The following GNB1 variants were observed in gnomAD, a reference collection of about 807,000 sequenced individuals.
GNB1 encodes guanine nucleotide-binding protein G(I)/G(S)/G(T) subunit beta-1.
A neutral mutation model predicts 42.9 loss-of-function variants in GNB1; 2 were observed. The observed-to-expected ratio is 0.05, with a 90% CI of 0.02 to 0.15. The LOEUF (loss-of-function observed/expected upper bound fraction) is 0.15. GNB1 is among the 10% of genes least tolerant of loss of function. GNB1 has a pLI of 1.00. For missense variants in GNB1, 193 were observed against 462.2 expected (o/e 0.42, Z 5.34); for synonymous variants, 183 against 174.7 (o/e 1.05, Z -0.38).
At chr1:1,821,279 T>G (rs1360305317) in intron 3 of GNB1, among the ~76,000 whole-genome samples, 1 of 152,230 alleles carries the variant, frequency 6.6e-6, no homozygotes, top group African/African-American at 2.4e-5. Context: ...TCTACGCCTG[T>G]GCATCCTGTG....
intron 2 of GNB1, among the ~76,000 whole-genome samples, chr1:1,833,724 G>C (rs1647107205): frequency 6.6e-6 from 1 of 152,226 alleles, no homozygotes; most frequent in African/African-American, 2.4e-5. Context: ...ATGGCTGTTA[G>C]ACATGACCTT....
At chr1:1,872,229 C>G (rs1649287651) in intron 1 of GNB1, among the ~76,000 whole-genome samples, 1 of 152,198 alleles carries the variant, frequency 6.6e-6, no homozygotes, top group Non-Finnish European at 1.5e-5. Context: ...CTTCCTGTCT[C>G]AACCTCCCAA....
chr1:1,801,592 C>T (rs1031465182), intron 7 of GNB1, among the ~76,000 whole-genome samples: 1 of 152,098 alleles, frequency 6.6e-6, no homozygotes, highest in Non-Finnish European at 1.5e-5. Flanking sequence ...ACCACTAAGA[C>T]ATCAGGCAAA....
chr1:1,835,889 T>C (rs1007828432), intron 2 of GNB1, among the ~76,000 whole-genome samples: 1 of 119,830 alleles, frequency 8.3e-6, no homozygotes, highest in African/African-American at 3.3e-5. Context: ...CTGGGCAACA[T>C]ACTGAGACCC....
intron 2 of GNB1, among the ~76,000 whole-genome samples, chr1:1,830,541 G>T (rs1230561230): frequency 6.6e-5 from 10 of 151,958 alleles, no homozygotes; most frequent in African/African-American, 2.2e-4. Flanking sequence ...GAGCCACCGC[G>T]CCCAGCCTTA....
At chr1:1,789,356 A>G in intron 9 of GNB1, 87 bp from the exon 10 acceptor site, 1 of 756,306 alleles carries the variant, frequency 1.3e-6, no homozygotes, top group Middle Eastern at 2.4e-4. Flanking sequence ...AGGGCTGCAG[A>G]GAACACAGCA....
chr1:1,850,761 C>G (rs1266240744), intron 1 of GNB1, among the ~76,000 whole-genome samples: 1 of 152,082 alleles, frequency 6.6e-6, no homozygotes, highest in Non-Finnish European at 1.5e-5. Context: ...TTATTTCTCT[C>G]TTAACAAGAA....
At chr1:1,808,331 T>C (rs1406934762) in intron 5 of GNB1, among the ~76,000 whole-genome samples, 74 of 152,108 alleles carry the variant, frequency 4.9e-4, no homozygotes, top group Non-Finnish European at 5.9e-5. Context: ...ACTATTTCCT[T>C]GCTCTGGCAA....
chr1:1,827,780 C>G (rs777964551), intron 2 of GNB1, among the ~76,000 whole-genome samples: 2 of 152,160 alleles, frequency 1.3e-5, no homozygotes, highest in Non-Finnish European at 2.9e-5. Flanking sequence ...TTTTATTTCA[C>G]CAGCACCCCG....
chr1:1,824,957 C>T (rs377510475), intron 3 of GNB1: 2 of 157,004 alleles, frequency 1.3e-5, no homozygotes, highest in Non-Finnish European at 2.8e-5. Context: ...TAGGGAAGAT[C>T]TTTCAAAATT....
At chr1:1,845,687 C>T (rs774328583) in intron 1 of GNB1, among the ~76,000 whole-genome samples, 1 of 152,030 alleles carries the variant, frequency 6.6e-6, no homozygotes. Context: ...GGGAGCAAGG[C>T]TCACACTGGA....
intron 1 of GNB1, among the ~76,000 whole-genome samples, chr1:1,863,552 C>T (rs1648746061): frequency 6.6e-6 from 1 of 152,184 alleles, no homozygotes; most frequent in African/African-American, 2.4e-5. Context: ...CTTTCTATGG[C>T]TAAACCTAGT....
chr1:1,849,077 A>AG (rs1647840724), intron 1 of GNB1, among the ~76,000 whole-genome samples: 1 of 152,112 alleles, frequency 6.6e-6, no homozygotes, highest in Non-Finnish European at 1.5e-5. Context: ...GGGGTGGGAG[A>AG]GGGGCTAGAG....
chr1:1,799,245 G>A (rs911496311), intron 7 of GNB1, among the ~76,000 whole-genome samples: 2 of 152,094 alleles, frequency 1.3e-5, no homozygotes, highest in South Asian at 4.1e-4. Context: ...GAGGCCAAAT[G>A]TGTGTGTGTG....
At position 1,873,627 on chromosome 1, in the gene GNB1, G is replaced by A. The variant is rs142015721; in HGVS notation, c.-96+17193C>T. On this transcript the variant is annotated intron_variant, in intron 1 of 11. Transcript: ENST00000378609. ...ATATGCTCTTCTTAAACTTGGCGCC[G>A]AGACTGGACGCAGTGGCTCACACCT... Among the ~76,000 whole-genome samples, 527 of 152,318 alleles carry A rather than the reference G, an allele frequency of 3.5e-3. 3 individuals carry two copies. The highest frequency in any genetic ancestry group is 4.5e-3 in the Non-Finnish European group (305 of 68,040).
chr1:1,866,296 C>G (rs1570736846), intron 1 of GNB1, among the ~76,000 whole-genome samples: 2 of 152,226 alleles, frequency 1.3e-5, no homozygotes, highest in East Asian at 3.9e-4. Flanking sequence ...CATGAGATAC[C>G]ACGTTTCACA....
chr1:1,881,850 G>A (rs995128527), intron 1 of GNB1, among the ~76,000 whole-genome samples: 3 of 152,258 alleles, frequency 2.0e-5, no homozygotes, highest in Admixed American at 6.5e-5. Flanking sequence ...AGTATTGTGC[G>A]GGGTGCTGGA....
intron 1 of GNB1, among the ~76,000 whole-genome samples, chr1:1,848,356 GCAAAA>G (rs1647789670): frequency 3.4e-5 from 3 of 87,062 alleles, no homozygotes; most frequent in Admixed American, 1.3e-4. Flanking sequence ...TCCAGCCCAG[GCAAAA>G]AAAAAAAAAA....
At chr1:1,814,410 G>A (rs1022205336) in intron 5 of GNB1, among the ~76,000 whole-genome samples, 1 of 151,432 alleles carries the variant, frequency 6.6e-6, no homozygotes, top group Non-Finnish European at 1.5e-5. Context: ...GATAGAACAG[G>A]CACCAAATAA....
Sources: gnomAD v4.1 joint callset for allele counts (sites outside exome capture counted in the v4.1 genomes callset) on GRCh38, gnomAD v4.1.1 for gene constraint, MANE v1.5 for transcripts, NCBI Gene and HGNC (gene_info 2026-07-23, HGNC 2026-07-21) for gene names.